WDPCP: variants seen among roughly 807,000 people sequenced by gnomAD.
WDPCP encodes WD repeat containing planar cell polarity effector.
In WDPCP, 71 loss-of-function variants were observed where a neutral mutation model predicts 93.1. The ratio of observed to expected loss-of-function variants is 0.76; its 90% CI spans 0.63 to 0.93. The LOEUF (loss-of-function observed/expected upper bound fraction) is 0.93. WDPCP is among the 40% of genes least tolerant of loss of function. The pLI is 0.00. For missense variants in WDPCP, 844 were observed against 887.4 expected, an observed-to-expected ratio of 0.95 and a Z score of 0.62; for synonymous variants, 315 against 315.0, an observed-to-expected ratio of 1.00 and a Z score of 0.00.
At chr2:63,550,711 GTGTGTATATATATACATATATA>G (rs1169649060) in intron 1 of WDPCP, among the ~76,000 whole-genome samples, 2 of 150,796 alleles carry the variant, frequency 1.3e-5, no homozygotes, top group African/African-American at 4.9e-5. Context: ...ATACATATAT[GTGTGTATATATATACATATATA>G]TGTGCATATG....
chr2:63,566,721 T>G (rs1707088296), intron 1 of WDPCP, among the ~76,000 whole-genome samples: 1 of 152,182 alleles, frequency 6.6e-6, no homozygotes, highest in South Asian at 2.1e-4. Flanking sequence ...TATCCAGAAT[T>G]AGCAACAGAC....
At chr2:63,758,836 G>T (rs900430903) in intron 2 of WDPCP, among the ~76,000 whole-genome samples, 1 of 151,928 alleles carries the variant, frequency 6.6e-6, no homozygotes, top group Non-Finnish European at 1.5e-5. Context: ...GGAGTGCAGT[G>T]TCCCAGTCTC....
chr2:63,812,047 T>C (rs1398717414), intron 2 of WDPCP, among the ~76,000 whole-genome samples: 6 of 152,010 alleles, frequency 3.9e-5, no homozygotes, highest in Non-Finnish European at 1.5e-5. Flanking sequence ...TTTTTTTTTG[T>C]AGAGACGGGG....
At chr2:63,373,329 A>G (rs1691570969) in intron 12 of WDPCP, among the ~76,000 whole-genome samples, 1 of 149,646 alleles carries the variant, frequency 6.7e-6, no homozygotes, top group Non-Finnish European at 1.5e-5. Flanking sequence ...GGCTCACTGC[A>G]GACTTGAACA....
At chr2:63,479,339 G>A (rs1297635134) in intron 6 of WDPCP, among the ~76,000 whole-genome samples, 1 of 152,020 alleles carries the variant, frequency 6.6e-6, no homozygotes, top group African/African-American at 2.4e-5. Flanking sequence ...ATTCTATGAA[G>A]CCAGTATCAC....
chr2:63,604,578 T>G, intron 3 of WDPCP: 2 of 776,278 alleles, frequency 2.6e-6, no homozygotes, highest in Non-Finnish European at 4.0e-6. Flanking sequence ...ATAACTCTTG[T>G]GTTCTCTTGA....
At chr2:63,127,403 G>A (rs573746787) in intron 17 of WDPCP, among the ~76,000 whole-genome samples, 168 of 151,868 alleles carry the variant, frequency 1.1e-3, no homozygotes, top group Middle Eastern at 3.4e-3. Context: ...GATTACAAGC[G>A]TGAGCCACCG....
At chr2:63,363,702 A>G (rs776572528) in intron 12 of WDPCP, among the ~76,000 whole-genome samples, 2 of 151,672 alleles carry the variant, frequency 1.3e-5, no homozygotes, top group Non-Finnish European at 2.9e-5. Flanking sequence ...TTTATTTTCT[A>G]TAAGATCCCT....
intron 1 of WDPCP, among the ~76,000 whole-genome samples, chr2:63,575,360 A>C (rs368993089): frequency 1.9e-5 from 2 of 105,018 alleles, no homozygotes; most frequent in African/African-American, 7.3e-5. Flanking sequence ...TGGTATATAC[A>C]GTATATACAG....
At chr2:63,257,889 G>A (rs1056039516) in intron 14 of WDPCP, among the ~76,000 whole-genome samples, 1 of 152,114 alleles carries the variant, frequency 6.6e-6, no homozygotes, top group Non-Finnish European at 1.5e-5. Flanking sequence ...CAGGGTACAG[G>A]ACAACTAAGG....
chr2:63,628,225 A>G (rs1709830859), intron 3 of WDPCP, among the ~76,000 whole-genome samples: 1 of 152,238 alleles, frequency 6.6e-6, no homozygotes, highest in Non-Finnish European at 1.5e-5. Context: ...TCTACAAAAT[A>G]GGATAATGGT....
intron 2 of WDPCP, among the ~76,000 whole-genome samples, chr2:63,712,299 C>T (rs527650832): frequency 5.5e-4 from 84 of 152,302 alleles, no homozygotes; most frequent in Admixed American, 5.2e-4. Flanking sequence ...AAAATATTGC[C>T]ATGAGTTACC....
chr2:63,182,625 C>T (rs1015362878), intron 14 of WDPCP, among the ~76,000 whole-genome samples: 5 of 151,660 alleles, frequency 3.3e-5, no homozygotes, highest in Admixed American at 2.6e-4. Context: ...TGTGCTAGTC[C>T]GGCTTTAGTA....
Position 63,696,645 on chromosome 2 carries a change from C to G in WDPCP, n.309-45807G>C, listed in dbSNP as rs377615360. ...ACACCAATGCTTCCTTGGAGCAGAG[C>G]CCACGTGGCTGAGACACCCATGGTA... On this transcript the variant is annotated intron_variant and non_coding_transcript_variant, in intron 2 of 4. Transcript: ENST00000467687. Among the ~76,000 whole-genome samples, 131 of 152,236 alleles carry G rather than the reference C, an allele frequency of 8.6e-4. 1 individual carries two copies. The Middle Eastern group carries it at 0.014, about 16-fold the overall frequency.
intron 1 of WDPCP, among the ~76,000 whole-genome samples, chr2:63,495,204 G>A (rs1018622766): frequency 2.6e-5 from 4 of 152,074 alleles, no homozygotes; most frequent in Admixed American, 6.6e-5. Flanking sequence ...GCATTACTAA[G>A]AGAAAGAATG....
intron 6 of WDPCP, among the ~76,000 whole-genome samples, chr2:63,468,782 C>A (rs1420381471): frequency 6.6e-6 from 1 of 152,114 alleles, no homozygotes; most frequent in Admixed American, 6.6e-5. Flanking sequence ...AATTAATGCT[C>A]CCCTTTCCCT....
At chr2:63,628,430 A>T (rs1297583934) in intron 3 of WDPCP, among the ~76,000 whole-genome samples, 1 of 152,196 alleles carries the variant, frequency 6.6e-6, no homozygotes, top group Non-Finnish European at 1.5e-5. Flanking sequence ...ACCTTCTGAC[A>T]ATTCTATGTA....
intron 14 of WDPCP, among the ~76,000 whole-genome samples, chr2:63,258,887 C>A (rs1681364634): frequency 6.6e-6 from 1 of 152,060 alleles, no homozygotes. Flanking sequence ...AACAATCACC[C>A]ATCAAACCCA....
At chr2:63,544,817 T>A (rs189320659) in intron 1 of WDPCP, among the ~76,000 whole-genome samples, 7 of 152,208 alleles carry the variant, frequency 4.6e-5, no homozygotes, top group Non-Finnish European at 8.8e-5. Context: ...ATAACTTTTT[T>A]AAATGTGCAT....
Sources: gnomAD v4.1 joint callset for allele counts (sites outside exome capture counted in the v4.1 genomes callset) on GRCh38, gnomAD v4.1.1 for gene constraint, MANE v1.5 for transcripts, NCBI Gene and HGNC (gene_info 2026-07-23, HGNC 2026-07-21) for gene names.